The following TOX2 variants were observed in gnomAD, a reference collection of about 807,000 sequenced individuals.
The protein encoded by TOX2 is granulosa cell HMG box 1.
In TOX2, 15 loss-of-function variants were observed where a neutral mutation model predicts 47.4. The ratio of observed to expected loss-of-function variants is 0.32; its 90% CI spans 0.21 to 0.49. The LOEUF (loss-of-function observed/expected upper bound fraction) is 0.49, where lower values mean the gene tolerates loss of function less well. Ranked by LOEUF, TOX2 falls within the 20% of genes least tolerant of loss-of-function variation. The pLI, the probability that TOX2 is intolerant of heterozygous loss-of-function variation, is 0.99. For synonymous variants in TOX2, 290 were observed against 296.6 expected (o/e 0.98, Z 0.23); for missense variants, 622 against 673.1 (o/e 0.92, Z 0.84).
chr20:43,920,581 C>T (rs2069102664), intron 1 of TOX2, among the ~76,000 whole-genome samples: 2 of 152,136 alleles, frequency 1.3e-5, no homozygotes, highest in Non-Finnish European at 2.9e-5. Flanking sequence ...CCCTATAGCT[C>T]CTCCCCCAAC....
At chr20:44,067,452 T>G (rs976771886) in intron 8 of TOX2, among the ~76,000 whole-genome samples, 2 of 151,932 alleles carry the variant, frequency 1.3e-5, no homozygotes. Flanking sequence ...TGTAGCCCAC[T>G]GGGCAGGGCA....
chr20:43,978,654 C>T (rs73118296), intron 2 of TOX2, among the ~76,000 whole-genome samples: 7,142 of 152,216 alleles, frequency 0.047, 233 homozygotes, highest in South Asian at 0.12. Context: ...GCAAATGTCA[C>T]CTCCTCATCA....
At chr20:44,017,337 G>T (rs1379859517) in intron 3 of TOX2, among the ~76,000 whole-genome samples, 1 of 152,158 alleles carries the variant, frequency 6.6e-6, no homozygotes, top group Non-Finnish European at 1.5e-5. Context: ...GATGCTCTGG[G>T]GTGCTCACCG....
intron 1 of TOX2, chr20:43,945,682 C>T (rs984511375): frequency 7.9e-6 from 4 of 509,234 alleles, no homozygotes; most frequent in East Asian, 4.1e-5. Context: ...TTCTGCTCCC[C>T]GAGACCTGGC....
intron 3 of TOX2, among the ~76,000 whole-genome samples, chr20:44,032,490 A>C (rs763308605): frequency 6.6e-6 from 1 of 152,140 alleles, no homozygotes; most frequent in Non-Finnish European, 1.5e-5. Flanking sequence ...TGCTGAAGGA[A>C]GAGCAAGTGG....
chr20:43,989,220 G>A (rs956911350), intron 2 of TOX2, among the ~76,000 whole-genome samples: 7 of 152,322 alleles, frequency 4.6e-5, no homozygotes, highest in African/African-American at 1.4e-4. Flanking sequence ...TGCTGGCCTA[G>A]TGTACTTTGC....
rs747337678 is a variant in TOX2, at chr20:44,006,548, C to T, written c.167C>T (p.Thr56Ile). 7 of 1,611,158 alleles carry T rather than the reference C, an allele frequency of 4.3e-6. No individual in the cohort carries two copies. Among genetic ancestry groups the T allele is most frequent in the Non-Finnish European group, 5.1e-6 (6 of 1,179,054 alleles). Residue 56 changes from threonine to isoleucine, a missense_variant and splice_region_variant, in exon 3 of 9, where the codon ACC becomes ATC. Transcript: ENST00000341197. Reference sequence around the variant, plus strand: ...CGACATGTCTTTTTGATGTTTTAGACCTACAACGGCCAGAGCGAGAACAAC... The same window carrying T: ...CGACATGTCTTTTTGATGTTTTAGATCTACAACGGCCAGAGCGAGAACAAC... Reference protein sequence around the residue: ...GNPELLSTSQTYNGQSENNED... With the variant: ...GNPELLSTSQIYNGQSENNED...
At position 44,065,609 on chromosome 20, in the gene TOX2, C is replaced by CCAG. The variant is rs1159165205; in HGVS notation, c.961-98_961-96dup. 1.1e-5 allele frequency: 15 copies of CCAG among 1,381,462 alleles called. No individual in the cohort carries two copies. In the East Asian group the frequency reaches 3.3e-4, roughly 30 times the overall value. The allele number at this position is 1,381,462 out of a possible 1,614,324, so 85.6% of individuals were successfully genotyped here. A position where few individuals can be genotyped will look rare whatever the true frequency, so the allele number is the denominator to read the frequency against. Reference sequence around the variant, plus strand: ...CCAAGCTCTCTCCCAAGACAGCCAGCCAGCAGCCGTGTCAGTGGGTTGCAG... The same window carrying CCAG: ...CCAAGCTCTCTCCCAAGACAGCCAGCCAGCAGCAGCCGTGTCAGTGGGTTGCAG... On this transcript the variant is annotated intron_variant, in intron 6 of 8. Coordinates refer to ENST00000341197, the MANE Select transcript of TOX2 (RefSeq NM_001098797.2).
At chr20:44,025,307 C>CTT (rs2071042861) in intron 3 of TOX2, among the ~76,000 whole-genome samples, 1 of 151,706 alleles carries the variant, frequency 6.6e-6, no homozygotes, top group Non-Finnish European at 1.5e-5. Context: ...CAGTTGATCC[C>CTT]ATCATAGGGT....
At chr20:43,965,693 G>A (rs771622023) in intron 1 of TOX2, among the ~76,000 whole-genome samples, 2 of 152,184 alleles carry the variant, frequency 1.3e-5, no homozygotes, top group Non-Finnish European at 2.9e-5. Context: ...TACAACAAAG[G>A]CACTGCCTGG....
At chr20:43,971,995 C>A (rs1457956226) in intron 1 of TOX2, among the ~76,000 whole-genome samples, 1 of 152,068 alleles carries the variant, frequency 6.6e-6, no homozygotes, top group Non-Finnish European at 1.5e-5. Context: ...GAATTTTGAA[C>A]CATGTGAATA....
chr20:43,950,933 T>G (rs148727065), intron 1 of TOX2, among the ~76,000 whole-genome samples: 2 of 151,998 alleles, frequency 1.3e-5, no homozygotes, highest in African/African-American at 4.8e-5. Flanking sequence ...CATGAGTACA[T>G]GAGTAAGAAC....
intron 3 of TOX2, among the ~76,000 whole-genome samples, chr20:44,017,152 G>A (rs1355779738): frequency 2.0e-5 from 3 of 152,206 alleles, no homozygotes; most frequent in Admixed American, 2.0e-4. Context: ...TGAATGAATG[G>A]GAGAAGGGAA....
At chr20:43,950,030 C>T (rs904935156) in intron 1 of TOX2, among the ~76,000 whole-genome samples, 2 of 61,326 alleles carry the variant, frequency 3.3e-5, no homozygotes, top group African/African-American at 1.3e-4. Context: ...CACCTAGCCT[C>T]TCTGCTTTGG....
chr20:43,956,781 T>C (rs1042335953), intron 1 of TOX2, among the ~76,000 whole-genome samples: 1 of 152,192 alleles, frequency 6.6e-6, no homozygotes, highest in Non-Finnish European at 1.5e-5. Context: ...CCCAGTTGCA[T>C]TGCAGTAAGT....
intron 3 of TOX2, among the ~76,000 whole-genome samples, chr20:44,008,149 T>A (rs983744683): frequency 1.3e-5 from 2 of 152,006 alleles, no homozygotes; most frequent in Non-Finnish European, 2.9e-5. Context: ...TTCATGCTTT[T>A]TATTGGGCTG....
chr20:44,000,934 T>C (rs2070568982), intron 2 of TOX2, among the ~76,000 whole-genome samples: 2 of 152,050 alleles, frequency 1.3e-5, no homozygotes, highest in Non-Finnish European at 1.5e-5. Flanking sequence ...AGACTGAGCA[T>C]TGGCCACTGG....
intron 3 of TOX2, among the ~76,000 whole-genome samples, chr20:44,011,380 G>A (rs1372790879): frequency 6.6e-6 from 1 of 152,176 alleles, no homozygotes; most frequent in Non-Finnish European, 1.5e-5. Flanking sequence ...ATGGAGAGAA[G>A]GTGAAAAGCC....
In TOX2 at chr20:44,066,111, A is replaced by G; in HGVS notation, c.1356+4A>G. 6.5e-7 allele frequency: 1 copy of G among 1,532,090 alleles called. No individual in the cohort carries two copies. Among genetic ancestry groups the G allele is most frequent in the Non-Finnish European group, 8.8e-7 (1 of 1,141,936 alleles). 94.9% of individuals were successfully genotyped at this position (1,532,090 alleles called of 1,614,324 possible). On this transcript the variant is annotated splice_donor_region_variant and intron_variant, in intron 7 of 8. Coordinates refer to ENST00000341197, the MANE Select transcript of TOX2 (RefSeq NM_001098797.2). ...CCCCTCACCTCCAGGGCCACAGGTA[A>G]GCAGGGAAGAGCAGAACAGCCCTTC...
Sources: allele counts gnomAD v4.1 joint callset (sites outside exome capture counted in the v4.1 genomes callset), GRCh38; gene constraint gnomAD v4.1.1; transcripts MANE v1.5; gene names NCBI Gene and HGNC (gene_info 2026-07-23, HGNC 2026-07-21).